The following PAFAH2 variants were observed in gnomAD, a reference collection of about 807,000 sequenced individuals.
PAFAH2 encodes the protein platelet-activating factor acetylhydrolase 2, cytoplasmic.
A neutral mutation model predicts 49.0 loss-of-function variants in PAFAH2; 42 were observed. The observed-to-expected ratio is 0.86, with a 90% CI of 0.67 to 1.11. The LOEUF (loss-of-function observed/expected upper bound fraction) is 1.11. Ranked by LOEUF, PAFAH2 falls within the 50% of genes least tolerant of loss-of-function variation. PAFAH2 has a pLI of 0.00. For synonymous variants in PAFAH2, 184 were observed against 181.3 expected, an observed-to-expected ratio of 1.01 and a Z score of -0.12; for missense variants, 503 against 501.8, an observed-to-expected ratio of 1.00 and a Z score of -0.02.
chr1:25,966,068 A>G (rs987728626), intron 10 of PAFAH2, among the ~76,000 whole-genome samples: 1 of 149,736 alleles, frequency 6.7e-6, no homozygotes, highest in African/African-American at 2.4e-5. Context: ...TAAAACCACA[A>G]TGAGATACTA....
Position 25,961,706 on chromosome 1 carries a change from C to T in PAFAH2, c.*283G>A, listed in dbSNP as rs1426101594. 6.6e-6 allele frequency: 2 copies of T among 302,710 alleles called. No homozygotes were observed. The highest frequency in any genetic ancestry group is 6.4e-5 in the East Asian group (1 of 15,712). 18.8% of individuals were successfully genotyped at this position (302,710 alleles called of 1,614,324 possible). ...CATCCAGGCCTCACAGTGCTCAGCC[C>T]GGGGCCTGGGTCTCCCCCAGTCCCA... is the stretch of plus-strand genomic sequence containing the variant. On this transcript the variant is annotated 3_prime_UTR_variant, in exon 11 of 11. Transcript: ENST00000374282.
intron 10 of PAFAH2, among the ~76,000 whole-genome samples, chr1:25,972,221 G>T (rs1326298503): frequency 6.6e-6 from 1 of 151,702 alleles, no homozygotes. Flanking sequence ...GTAGCCTCTC[G>T]AGTAGCTGGG....
At chr1:25,982,603 T>G in intron 6 of PAFAH2, 126 bp from the exon 7 acceptor site, 1 of 675,556 alleles carries the variant, frequency 1.5e-6, no homozygotes, top group Non-Finnish European at 2.6e-6. Flanking sequence ...GCAAGCACCT[T>G]GGGTGCCATG....
At chr1:25,972,789 C>T in intron 9 of PAFAH2, 77 bp from the exon 10 acceptor site, 1 of 1,438,216 alleles carries the variant, frequency 7.0e-7, no homozygotes, top group Non-Finnish European at 9.7e-7. Context: ...CTACTATGTG[C>T]AAGGTGCTTT....
At chr1:25,969,351 T>C (rs2049473144) in intron 10 of PAFAH2, among the ~76,000 whole-genome samples, 1 of 152,138 alleles carries the variant, frequency 6.6e-6, no homozygotes, top group Non-Finnish European at 1.5e-5. Context: ...TAGGAGACTG[T>C]CCTCCGTGTG....
intron 1 of PAFAH2, 108 bp from the exon 2 acceptor site, chr1:25,990,971 C>T (rs1214757499): frequency 1.7e-6 from 1 of 593,932 alleles, no homozygotes; most frequent in East Asian, 2.9e-5. Flanking sequence ...GCACCTCATC[C>T]TCCCTGCCGT....
rs11247841 is a variant in PAFAH2, at chr1:25,998,029, T to C, written c.-52A>G. The C allele has an allele frequency of 0.52, 79,751 of 152,110 alleles. 24,658 individuals are homozygous for C. Among genetic ancestry groups the C allele is most frequent in the East Asian group, 0.7 (3,645 of 5,178 alleles). The allele number at this position is 152,110 out of a possible 1,614,324, so 9.4% of individuals were successfully genotyped here. On this transcript the variant is annotated 5_prime_UTR_variant, in exon 1 of 11. Transcript: ENST00000374282. ...GTTTTCTCCAATCAAACTTACCCAG[T>C]CAAGCTGATTCCTCAGAAGCAGCCC...
Position 25,961,953 on chromosome 1 carries a change from C to T in PAFAH2, c.*36G>A, listed in dbSNP as rs202124958. 5 of 1,554,144 alleles carry T rather than the reference C, an allele frequency of 3.2e-6. No homozygotes were observed. The highest frequency in any genetic ancestry group is 3.4e-5 in the Admixed American group (2 of 59,130). Reference sequence around the variant, plus strand: ...CCCTTGGGTAGCTCCCAAATGAAAACTTGGCTGAAGTGACTTTACAAATGG... The same window carrying T: ...CCCTTGGGTAGCTCCCAAATGAAAATTTGGCTGAAGTGACTTTACAAATGG... On this transcript the variant is annotated 3_prime_UTR_variant, in exon 11 of 11. Transcript: ENST00000374282.
rs144265132 is a variant in PAFAH2, at chr1:25,989,522, T to G, written c.170A>C (p.Glu57Ala). ...MEQPLWIPRY[E>A]YCTGLAEYLQ... ...GTACTCGGCCAGGCCAGTGCAGTAC[T>G]CATAGCGGGGAATCCACAGGGGCTG... The change falls in exon 3 of 11, where the codon GAG becomes GCG. Residue 57 changes from glutamate to alanine, a missense_variant. Glu to Ala is a moderately radical substitution (Grantham distance 107). Transcript: ENST00000374282. 18 of 1,612,884 alleles carry G rather than the reference T, an allele frequency of 1.1e-5. No homozygotes were observed. The highest frequency in any genetic ancestry group is 1.4e-5 in the Non-Finnish European group (17 of 1,179,486).
At chr1:25,982,797 G>C (rs1385160584) in intron 6 of PAFAH2, among the ~76,000 whole-genome samples, 1 of 152,152 alleles carries the variant, frequency 6.6e-6, no homozygotes, top group East Asian at 1.9e-4. Flanking sequence ...TAGCAAACCA[G>C]TACTGGATTC....
intron 7 of PAFAH2, among the ~76,000 whole-genome samples, chr1:25,979,478 C>T (rs977418176): frequency 2.6e-5 from 4 of 151,996 alleles, no homozygotes; most frequent in Non-Finnish European, 4.4e-5. Flanking sequence ...CATGTCACCA[C>T]GCCCAGCTAA....
At chr1:25,964,622 TA>T (rs968988115) in intron 10 of PAFAH2, among the ~76,000 whole-genome samples, 1 of 152,010 alleles carries the variant, frequency 6.6e-6, no homozygotes, top group African/African-American at 2.4e-5. Flanking sequence ...AACCCAATCA[TA>T]AACTCAATCC....
chr1:25,974,598 G>C lies in PAFAH2; in HGVS notation c.811C>G (p.Pro271Ala). 1 of 1,614,128 alleles carries C rather than the reference G, an allele frequency of 6.2e-7. No homozygotes were observed. Among genetic ancestry groups the C allele is most frequent in the Admixed American group, 1.7e-5 (1 of 60,004 alleles). The change falls in exon 9 of 11, where the codon CCC becomes GCC. Residue 271 changes from proline to alanine, a missense_variant. By Grantham distance (27) the Pro-to-Ala change is conservative. Coordinates refer to ENST00000374282, the MANE Select transcript of PAFAH2 (RefSeq NM_000437.4). Reference sequence around the variant, plus strand: ...AAGAACACAGGTCCTCGGGCCTTGGGGTAAAAGTCACGTTCCAGAGGAAAC... The same window carrying C: ...AAGAACACAGGTCCTCGGGCCTTGGCGTAAAAGTCACGTTCCAGAGGAAAC... Reference protein sequence around the residue: ...WMFPLERDFYPKARGPVFFIN... With the variant: ...WMFPLERDFYAKARGPVFFIN...
rs760926084 is a variant in PAFAH2, at chr1:25,990,710, G to C, written c.90+17C>G. 1 of 1,602,982 alleles carries C rather than the reference G, an allele frequency of 6.2e-7. No individual in the cohort carries two copies. The highest frequency in any genetic ancestry group is 8.5e-7 in the Non-Finnish European group (1 of 1,170,204). ...AGAAGCAGTGCAAACAGAAGAAAGGGAGCTGGGGACACTTACCTGGAGATT... is the reference window on the plus strand; with the variant it reads ...AGAAGCAGTGCAAACAGAAGAAAGGCAGCTGGGGACACTTACCTGGAGATT... On this transcript the variant is annotated intron_variant, in intron 2 of 10. Coordinates refer to ENST00000374282, the MANE Select transcript of PAFAH2 (RefSeq NM_000437.4).
chr1:25,985,353 G>C (rs2049767044), intron 4 of PAFAH2, among the ~76,000 whole-genome samples: 1 of 152,218 alleles, frequency 6.6e-6, no homozygotes. Context: ...ACTTAGGATA[G>C]GAAACCATAG....
intron 7 of PAFAH2, among the ~76,000 whole-genome samples, chr1:25,980,805 C>T (rs1342225549): frequency 6.6e-6 from 1 of 151,598 alleles, no homozygotes; most frequent in East Asian, 1.9e-4. Context: ...ACTGCCTGGG[C>T]CCAAGAGTTT....
Position 25,989,433 on chromosome 1 carries a change from C to A in PAFAH2, c.244+15G>T. ...AGCAACTGGGAAAGCATGCAGAGGTCAGGCCAGCCCTTACCCACCGCCAGG... is the reference window on the plus strand; with the variant it reads ...AGCAACTGGGAAAGCATGCAGAGGTAAGGCCAGCCCTTACCCACCGCCAGG... On this transcript the variant is annotated intron_variant, in intron 3 of 10. Coordinates refer to ENST00000374282, the MANE Select transcript of PAFAH2 (RefSeq NM_000437.4). 6.4e-7 allele frequency: 1 copy of A among 1,565,506 alleles called. No individual in the cohort carries two copies. Among genetic ancestry groups the A allele is most frequent in the South Asian group, 1.2e-5 (1 of 83,820 alleles).
chr1:25,979,575 C>T (rs1449336565), intron 7 of PAFAH2, among the ~76,000 whole-genome samples: 1 of 151,930 alleles, frequency 6.6e-6, no homozygotes, highest in Admixed American at 6.6e-5. Context: ...ACAATCTCTG[C>T]CTCCCGGGTA....
chr1:25,963,274 T>A (rs1262238336), intron 10 of PAFAH2, among the ~76,000 whole-genome samples: 1 of 152,208 alleles, frequency 6.6e-6, no homozygotes, highest in Admixed American at 6.5e-5. Flanking sequence ...ATCCACTATG[T>A]GCCACACTCT....
Sources: gnomAD v4.1 joint callset for allele counts (sites outside exome capture counted in the v4.1 genomes callset) on GRCh38, gnomAD v4.1.1 for gene constraint, MANE v1.5 for transcripts, NCBI Gene and HGNC (gene_info 2026-07-23, HGNC 2026-07-21) for gene names.